Variants in PACRG observed in about 807,000 individuals in gnomAD.
PACRG encodes the protein parkin coregulated gene protein.
In PACRG, 29 loss-of-function variants were observed where a neutral mutation model predicts 29.7. The observed-to-expected ratio is 0.98, with a 90% CI of 0.73 to 1.33. The LOEUF (loss-of-function observed/expected upper bound fraction) is 1.33. PACRG is among the 40% of genes most tolerant of loss of function. The pLI is 0.00. For synonymous variants in PACRG, 116 were observed against 118.7 expected (o/e 0.98, Z 0.15); for missense variants, 279 against 316.2 (o/e 0.88, Z 0.89).
intron 4 of PACRG, among the ~76,000 whole-genome samples, chr6:163,229,929 T>C (rs977621655): frequency 1.3e-5 from 2 of 152,204 alleles, no homozygotes; most frequent in Non-Finnish European, 2.9e-5. Context: ...CCTAATTCAA[T>C]TGTAACCTGA....
intron 2 of PACRG, among the ~76,000 whole-genome samples, chr6:162,956,672 CGCATG>C (rs1800065852): frequency 6.6e-6 from 1 of 152,108 alleles, no homozygotes; most frequent in Non-Finnish European, 1.5e-5. Flanking sequence ...CTCCTGCAGC[CGCATG>C]GCCTTCTCCC....
chr6:163,111,125 G>T (rs1024307958), intron 4 of PACRG, among the ~76,000 whole-genome samples: 13 of 152,122 alleles, frequency 8.5e-5, no homozygotes, highest in Admixed American at 8.5e-4. Context: ...CCCACTTTGT[G>T]CAGAGCCTTT....
chr6:163,249,354 A>C (rs147302983), intron 4 of PACRG, among the ~76,000 whole-genome samples: 38 of 152,380 alleles, frequency 2.5e-4, no homozygotes, highest in African/African-American at 7.9e-4. Context: ...TTTAAAAAAA[A>C]ACATGCCCAT....
chr6:163,202,102 A>G (rs1242313809), intron 4 of PACRG, among the ~76,000 whole-genome samples: 4 of 152,182 alleles, frequency 2.6e-5, no homozygotes, highest in African/African-American at 9.6e-5. Flanking sequence ...GGAGGGCAGC[A>G]GGGTTCTGGG....
intron 4 of PACRG, among the ~76,000 whole-genome samples, chr6:163,277,526 T>C (rs1784082557): frequency 1.4e-5 from 2 of 146,020 alleles, no homozygotes; most frequent in African/African-American, 2.5e-5. Context: ...CATATACACA[T>C]ATATACATAT....
chr6:162,955,661 A>G (rs1469857874), intron 2 of PACRG, among the ~76,000 whole-genome samples: 1 of 152,170 alleles, frequency 6.6e-6, no homozygotes, highest in Non-Finnish European at 1.5e-5. Flanking sequence ...CGTATGATTT[A>G]TTGATGATAC....
intron 3 of PACRG, among the ~76,000 whole-genome samples, chr6:163,062,740 C>T (rs1255861844): frequency 1.3e-5 from 2 of 152,074 alleles, no homozygotes; most frequent in African/African-American, 4.8e-5. Context: ...AAGGGAAGCC[C>T]AGCTGCATAG....
chr6:163,035,810 C>CT (rs1808121555), intron 2 of PACRG, among the ~76,000 whole-genome samples: 1 of 82,840 alleles, frequency 1.2e-5, no homozygotes, highest in Non-Finnish European at 2.2e-5. Flanking sequence ...GAGACTCTGT[C>CT]TCAAAAAAAA....
At chr6:163,271,526 A>T (rs1243981718) in intron 4 of PACRG, among the ~76,000 whole-genome samples, 1 of 152,182 alleles carries the variant, frequency 6.6e-6, no homozygotes, top group Admixed American at 6.5e-5. Flanking sequence ...ATTTAAATTC[A>T]TTTGGAATTA....
At chr6:163,299,873 C>T (rs766719229) in intron 4 of PACRG, among the ~76,000 whole-genome samples, 20 of 152,116 alleles carry the variant, frequency 1.3e-4, no homozygotes, top group Non-Finnish European at 2.4e-4. Context: ...AGGGAGACTC[C>T]GTCTCAAAAA....
chr6:163,129,658 C>G (rs939008713), intron 4 of PACRG, among the ~76,000 whole-genome samples: 3 of 152,188 alleles, frequency 2.0e-5, no homozygotes, highest in Non-Finnish European at 2.9e-5. Context: ...CTCCATCTTC[C>G]TACTGATCAC....
At chr6:162,779,184 A>T (rs1783893693) in intron 1 of PACRG, among the ~76,000 whole-genome samples, 1 of 152,264 alleles carries the variant, frequency 6.6e-6, no homozygotes, top group African/African-American at 2.4e-5. Flanking sequence ...TTCCAGCTCC[A>T]TCCGTTTCCC....
intron 4 of PACRG, chr6:163,095,482 G>T: frequency 2.1e-6 from 2 of 941,672 alleles, no homozygotes; most frequent in Non-Finnish European, 2.5e-6. Flanking sequence ...ACACAGAATG[G>T]CTTAAACAAC....
chr6:162,839,806 A>G (rs908917842), intron 2 of PACRG, among the ~76,000 whole-genome samples: 1 of 151,722 alleles, frequency 6.6e-6, no homozygotes. Flanking sequence ...TCAGCTTTCT[A>G]CATATGGCTA....
At chr6:163,131,617 G>A (rs1357641560) in intron 4 of PACRG, among the ~76,000 whole-genome samples, 1 of 152,162 alleles carries the variant, frequency 6.6e-6, no homozygotes, top group Non-Finnish European at 1.5e-5. Flanking sequence ...TAAGTCACCA[G>A]GTTTGTGGTA....
chr6:163,087,816 C>G (rs1204541208), intron 3 of PACRG, among the ~76,000 whole-genome samples: 1 of 148,394 alleles, frequency 6.7e-6, no homozygotes, highest in Non-Finnish European at 1.5e-5. Flanking sequence ...GAGAGTGAGG[C>G]CAGAGGAGAG....
intron 4 of PACRG, among the ~76,000 whole-genome samples, chr6:163,188,503 C>T (rs891015452): frequency 6.6e-6 from 1 of 152,162 alleles, no homozygotes; most frequent in African/African-American, 2.4e-5. Flanking sequence ...TTATAAGAAT[C>T]AGGCCACTGA....
At chr6:162,952,019 A>G (rs1273950848) in intron 2 of PACRG, among the ~76,000 whole-genome samples, 1 of 152,204 alleles carries the variant, frequency 6.6e-6, no homozygotes, top group Non-Finnish European at 1.5e-5. Context: ...AAGCACAGAA[A>G]TGAGATTTGT....
intron 2 of PACRG, among the ~76,000 whole-genome samples, chr6:162,956,729 T>A (rs1800071210): frequency 6.6e-6 from 1 of 152,148 alleles, no homozygotes; most frequent in African/African-American, 2.4e-5. Context: ...TGTCTCTGTT[T>A]CCAACCTCCT....
Sources: gnomAD v4.1 joint callset for allele counts (sites outside exome capture counted in the v4.1 genomes callset) on GRCh38, gnomAD v4.1.1 for gene constraint, MANE v1.5 for transcripts, NCBI Gene and HGNC (gene_info 2026-07-23, HGNC 2026-07-21) for gene names.